The following GREB1L variants were observed in gnomAD, a reference collection of about 807,000 sequenced individuals.
GREB1L encodes GREB1-like protein.
GREB1L carries 17 observed loss-of-function variants against 200.8 expected under a neutral mutation model. The observed-to-expected ratio is 0.08, with a 90% CI of 0.06 to 0.13. GREB1L has a LOEUF of 0.13. GREB1L is among the 10% of genes least tolerant of loss of function. The pLI is 1.00. For missense variants in GREB1L, 1,657 were observed against 2,367.7 expected, an observed-to-expected ratio of 0.70 and a Z score of 6.23; for synonymous variants, 789 against 893.0, an observed-to-expected ratio of 0.88 and a Z score of 2.08.
In GREB1L at chr18:21,401,275, G is replaced by C; in HGVS notation, c.658G>C (p.Val220Leu). Residue 220 changes from valine (V) to leucine (L), a missense_variant, in exon 6 of 33, where the codon GTC (valine) becomes CTC (leucine). Val to Leu is a conservative substitution (Grantham distance 32). Around this residue, in one of 9 missense-constraint regions of GREB1L, gnomAD observed 70 missense variants for 151.3 expected, o/e 0.46. Coordinates refer to ENST00000424526, the MANE Select transcript of GREB1L (RefSeq NM_001142966.3). The part of the protein sequence containing the change: ...KKQKHLKYYL[V>L]RSSQGVLSKG... ...GCAGAAGCACTTAAAGTACTACCTAGTCAGAAGCTCCCAGGGTGTACTGTC... is the reference window on the plus strand; with the variant it reads ...GCAGAAGCACTTAAAGTACTACCTACTCAGAAGCTCCCAGGGTGTACTGTC... 1 of 1,551,748 alleles carries C rather than the reference G, an allele frequency of 6.4e-7. No homozygotes were observed. The highest frequency in any genetic ancestry group is 8.7e-7 in the Non-Finnish European group (1 of 1,146,960).
In GREB1L at chr18:21,401,102, T is replaced by C. The variant is rs1198749623; in HGVS notation, c.533-48T>C. On this transcript the variant is annotated intron_variant, in intron 5 of 32. Coordinates refer to ENST00000424526, the MANE Select transcript of GREB1L (RefSeq NM_001142966.3). ...TATGCTGTTTAATACGTAAAAGTAT[T>C]GTATCAACTTACAAGGCCATTAGTA... The C allele has an allele frequency of 3.5e-6, 5 of 1,419,012 alleles. No individual in the cohort carries two copies. The African/African-American group carries it at 5.7e-5, about 16-fold the overall frequency. 87.9% of individuals were successfully genotyped at this position (1,419,012 alleles called of 1,614,324 possible). A position where few individuals can be genotyped will look rare whatever the true frequency, so the allele number is the denominator to read the frequency against.
chr18:21,384,611 C>G (rs1445658002), intron 4 of GREB1L, among the ~76,000 whole-genome samples: 2 of 152,246 alleles, frequency 1.3e-5, no homozygotes, highest in African/African-American at 2.4e-5. Flanking sequence ...CCCATCTTAA[C>G]AGATAAAGAG....
intron 19 of GREB1L, among the ~76,000 whole-genome samples, chr18:21,493,156 G>A (rs1373539770): frequency 6.6e-6 from 1 of 152,116 alleles, no homozygotes; most frequent in Non-Finnish European, 1.5e-5. Context: ...TTTCAGGATG[G>A]CAAGATTGTG....
At chr18:21,405,271 T>C (rs937860661) in intron 7 of GREB1L, among the ~76,000 whole-genome samples, 5 of 152,232 alleles carry the variant, frequency 3.3e-5, no homozygotes, top group African/African-American at 1.2e-4. Context: ...ATTGAAAGCA[T>C]AGCCTTCATT....
intron 7 of GREB1L, among the ~76,000 whole-genome samples, chr18:21,426,958 C>CAAAAAAAAAAAA (rs568993346): frequency 8.8e-5 from 6 of 68,426 alleles, no homozygotes; most frequent in African/African-American, 2.3e-4. Context: ...GACTACGTCT[C>CAAAAAAAAAAAA]AAAAAAAAAA....
chr18:21,494,874 C>T lies in GREB1L; in HGVS notation c.3031-796C>T, dbSNP rs375720862. Among the ~76,000 whole-genome samples the T allele has an allele frequency of 1.6e-4, 24 of 152,178 alleles. No individual in the cohort carries two copies. The East Asian group carries it at 3.1e-3, about 20-fold the overall frequency. On this transcript the variant is annotated intron_variant, in intron 19 of 32. Transcript: ENST00000424526. Reference sequence around the variant, plus strand: ...TACTTTTGAATATTTTTCAAATTGGCGGGATTACTTTTCATTGATATGTTT... The same window carrying T: ...TACTTTTGAATATTTTTCAAATTGGTGGGATTACTTTTCATTGATATGTTT...
intron 1 of GREB1L, among the ~76,000 whole-genome samples, chr18:21,357,448 G>A (rs2039521475): frequency 1.3e-5 from 2 of 152,204 alleles, no homozygotes; most frequent in African/African-American, 4.8e-5. Flanking sequence ...TCGCCCTGTT[G>A]ATTGTTTCCT....
At chr18:21,302,544 G>A (rs948562542) in intron 1 of GREB1L, among the ~76,000 whole-genome samples, 1 of 152,148 alleles carries the variant, frequency 6.6e-6, no homozygotes, top group Non-Finnish European at 1.5e-5. Context: ...GTTTTGTAAG[G>A]GTTAAAGCAG....
chr18:21,363,534 T>C (rs1444593257), intron 1 of GREB1L: 1 of 152,156 alleles, frequency 6.6e-6, no homozygotes, highest in Non-Finnish European at 1.5e-5. Context: ...CTTGCAGTTG[T>C]ATTTCTCTCT....
chr18:21,365,024 C>T (rs1433031075), intron 1 of GREB1L, among the ~76,000 whole-genome samples: 1 of 151,904 alleles, frequency 6.6e-6, no homozygotes, highest in African/African-American at 2.4e-5. Context: ...GTTTGAAAAC[C>T]TAGACCTTCC....
chr18:21,372,913 T>G (rs1462934344), intron 2 of GREB1L, among the ~76,000 whole-genome samples: 3 of 152,186 alleles, frequency 2.0e-5, no homozygotes, highest in Non-Finnish European at 4.4e-5. Context: ...AGATTTTTTT[T>G]GCAATTTTTC....
At chr18:21,408,167 T>C (rs1370802968) in intron 7 of GREB1L, among the ~76,000 whole-genome samples, 12 of 152,286 alleles carry the variant, frequency 7.9e-5, no homozygotes, top group Admixed American at 5.2e-4. Context: ...GTGATGGATA[T>C]CTTATTTATC....
At chr18:21,399,459 G>GGATA (rs1244570687) in intron 5 of GREB1L, among the ~76,000 whole-genome samples, 2 of 150,874 alleles carry the variant, frequency 1.3e-5, no homozygotes, top group Admixed American at 1.3e-4. Context: ...ATGGTTGGAT[G>GGATA]GATGGATGGA....
intron 4 of GREB1L, among the ~76,000 whole-genome samples, chr18:21,388,203 G>A (rs946434476): frequency 6.6e-6 from 1 of 152,060 alleles, no homozygotes; most frequent in East Asian, 1.9e-4. Flanking sequence ...TAAATTGCCT[G>A]TGTGGCTTGT....
intron 7 of GREB1L, among the ~76,000 whole-genome samples, chr18:21,404,800 T>A (rs1344955537): frequency 1.3e-5 from 2 of 152,266 alleles, no homozygotes; most frequent in African/African-American, 4.8e-5. Flanking sequence ...AAAGACTTTG[T>A]GAATTTGTTT....
intron 1 of GREB1L, among the ~76,000 whole-genome samples, chr18:21,278,508 CT>C (rs1448789471): frequency 6.6e-6 from 1 of 151,952 alleles, no homozygotes; most frequent in Non-Finnish European, 1.5e-5. Context: ...ATTTAGCACA[CT>C]TTTGCTTCGT....
At chr18:21,516,574 T>C (rs934175885) in intron 29 of GREB1L, 39 bp from the exon 30 acceptor site, 6 of 1,538,246 alleles carry the variant, frequency 3.9e-6, no homozygotes, top group Non-Finnish European at 5.3e-6. Context: ...GGTTGAGATA[T>C]GCCAGCGGAA....
rs2038922260 is a variant in GREB1L, at chr18:21,319,594, A to G, written c.-119-46433A>G. The stretch of plus-strand genomic sequence containing the variant: ...TTTCCCTTTTTCTCAGAGATCTTAA[A>G]AAGGCAACTAGGAAAAAGAGAAACA... On this transcript the variant is annotated intron_variant, in intron 1 of 32. Coordinates refer to ENST00000424526, the MANE Select transcript of GREB1L (RefSeq NM_001142966.3). Among the ~76,000 whole-genome samples, 6 of 152,378 alleles carry G rather than the reference A, an allele frequency of 3.9e-5. No individual in the cohort carries two copies. In the South Asian group the frequency reaches 1.2e-3, roughly 32 times the overall value.
At chr18:21,447,339 G>A (rs2034280681) in intron 11 of GREB1L, among the ~76,000 whole-genome samples, 1 of 152,098 alleles carries the variant, frequency 6.6e-6, no homozygotes. Context: ...ATGAAAAAGT[G>A]ATAGTTGATT....
Sources: gnomAD v4.1 joint callset for allele counts (sites outside exome capture counted in the v4.1 genomes callset) on GRCh38, gnomAD v4.1.1 for gene constraint, gnomAD v4.1.1 regional missense constraint, MANE v1.5 for transcripts, NCBI Gene and HGNC (gene_info 2026-07-23, HGNC 2026-07-21) for gene names.